The following DENND1B variants were observed in gnomAD, a reference collection of about 807,000 sequenced individuals.
DENND1B encodes DENN domain-containing protein 1B.
A neutral mutation model predicts 90.1 loss-of-function variants in DENND1B; 59 were observed. That is an observed-to-expected ratio of 0.65 (90% CI 0.53 to 0.81). The LOEUF (loss-of-function observed/expected upper bound fraction) is 0.81. Among genes scored for constraint, DENND1B ranks in the 40% least tolerant of loss-of-function variants. DENND1B has a pLI of 0.00. For synonymous variants in DENND1B, 337 were observed against 324.6 expected, an observed-to-expected ratio of 1.04 and a Z score of -0.41; for missense variants, 862 against 912.6, an observed-to-expected ratio of 0.94 and a Z score of 0.71.
At chr1:197,735,503 G>C in intron 2 of DENND1B, 1 of 1,595,664 alleles carries the variant, frequency 6.3e-7, no homozygotes, top group South Asian at 1.1e-5. Context: ...TTGCTTAACA[G>C]TTTATGTTTA....
rs113590886 is a variant in DENND1B at position 197,604,639 on chromosome 1, AC to A, written c.921+2433del. On this transcript the variant is annotated intron_variant, in intron 13 of 22. Transcript: ENST00000620048. Reference sequence around the variant, plus strand: ...TGCTTTGGTGAAGGATTTTAAAAGGACCCCCCCCAATTAAATCTCAGTTAAC... The same window carrying A: ...TGCTTTGGTGAAGGATTTTAAAAGGACCCCCCCAATTAAATCTCAGTTAAC... Among the ~76,000 whole-genome samples, 9 of 150,110 alleles carry A rather than the reference AC, an allele frequency of 6.0e-5. No individual in the cohort carries two copies. In the East Asian group the frequency reaches 7.8e-4, roughly 13 times the overall value.
intron 2 of DENND1B, among the ~76,000 whole-genome samples, chr1:197,729,918 A>G (rs1454984525): frequency 6.6e-6 from 1 of 152,142 alleles, no homozygotes; most frequent in Non-Finnish European, 1.5e-5. Context: ...CCTGAAGCCT[A>G]TGCAAAAATC....
chr1:197,547,146 T>C (rs892609885), intron 16 of DENND1B, among the ~76,000 whole-genome samples: 3 of 152,300 alleles, frequency 2.0e-5, no homozygotes, highest in Admixed American at 6.5e-5. Flanking sequence ...CTCCCACCTA[T>C]AGTGCCAGCT....
intron 20 of DENND1B, among the ~76,000 whole-genome samples, chr1:197,518,184 G>C (rs1668533913): frequency 6.6e-6 from 1 of 151,858 alleles, no homozygotes; most frequent in Non-Finnish European, 1.5e-5. Context: ...TGATTATGAG[G>C]TGTCTGACCA....
intron 14 of DENND1B, among the ~76,000 whole-genome samples, chr1:197,588,046 T>C (rs905511324): frequency 6.6e-6 from 1 of 152,170 alleles, no homozygotes; most frequent in African/African-American, 2.4e-5. Context: ...TAAATACAGA[T>C]GAAGCTTCAT....
At chr1:197,718,090 C>T (rs1660810765) in intron 2 of DENND1B, among the ~76,000 whole-genome samples, 1 of 151,980 alleles carries the variant, frequency 6.6e-6, no homozygotes, top group African/African-American at 2.4e-5. Context: ...GATTTACTCA[C>T]GTAGCTAGGT....
chr1:197,665,552 T>C (rs1654861377), intron 5 of DENND1B, among the ~76,000 whole-genome samples: 1 of 152,150 alleles, frequency 6.6e-6, no homozygotes. Flanking sequence ...AGTATCAACA[T>C]CTTTAACCAA....
At chr1:197,566,444 T>C (rs1241994725) in intron 15 of DENND1B, among the ~76,000 whole-genome samples, 2 of 152,188 alleles carry the variant, frequency 1.3e-5, no homozygotes, top group East Asian at 1.9e-4. Context: ...AACAGAGATA[T>C]AGATCAATGG....
At chr1:197,526,095 G>C (rs1669114934) in intron 20 of DENND1B, among the ~76,000 whole-genome samples, 1 of 152,088 alleles carries the variant, frequency 6.6e-6, no homozygotes, top group African/African-American at 2.4e-5. Context: ...ATATAACAAT[G>C]TGTAGCAGAT....
intron 3 of DENND1B, among the ~76,000 whole-genome samples, chr1:197,691,014 G>T (rs1370446331): frequency 2.0e-5 from 3 of 151,880 alleles, no homozygotes; most frequent in Non-Finnish European, 4.4e-5. Context: ...ATTGGTCTTC[G>T]CAATAATTTC....
chr1:197,697,674 C>A (rs185206444), intron 3 of DENND1B, among the ~76,000 whole-genome samples: 1 of 151,900 alleles, frequency 6.6e-6, no homozygotes, highest in African/African-American at 2.4e-5. Flanking sequence ...TCAGGAGACC[C>A]ATCTCACATG....
rs148855673 is a variant in DENND1B at position 197,534,924 on chromosome 1, T to C, written c.1515+5040A>G. Among the ~76,000 whole-genome samples, 104 of 152,322 alleles carry C rather than the reference T, an allele frequency of 6.8e-4. No individual in the cohort carries two copies. In the East Asian group the frequency reaches 0.02, roughly 29 times the overall value. On this transcript the variant is annotated intron_variant, in intron 20 of 22. Transcript: ENST00000620048. ...TCATGCGACAGTATGCCCGTGGCTCTAGCATCAGCTTTCTGCCTCTTCCAT... is the reference window on the plus strand; with the variant it reads ...TCATGCGACAGTATGCCCGTGGCTCCAGCATCAGCTTTCTGCCTCTTCCAT...
intron 4 of DENND1B, among the ~76,000 whole-genome samples, chr1:197,673,724 C>A (rs1361446609): frequency 6.6e-6 from 1 of 152,048 alleles, no homozygotes; most frequent in Non-Finnish European, 1.5e-5. Flanking sequence ...CAGCATGACA[C>A]AGATGGTCTT....
intron 22 of DENND1B, 109 bp from the exon 23 acceptor site, chr1:197,511,081 A>G: frequency 8.9e-7 from 1 of 1,122,116 alleles, no homozygotes; most frequent in Non-Finnish European, 1.2e-6. Context: ...CTCCCAGAGA[A>G]AATACAGCAT....
chr1:197,671,527 GA>G (rs1382638900), intron 5 of DENND1B, among the ~76,000 whole-genome samples: 1 of 152,114 alleles, frequency 6.6e-6, no homozygotes, highest in Non-Finnish European at 1.5e-5. Context: ...AAAGGAATTC[GA>G]AATATGAACT....
rs1667774781 is a variant in DENND1B at position 197,507,285 on chromosome 1, C to A, written c.*3175G>T. ...TTTCCCATATCCTCAGTTACTGTAC[C>A]CTGCATATGACTGGTACAAAAAGTC... On this transcript the variant is annotated 3_prime_UTR_variant, in exon 23 of 23. Transcript: ENST00000620048. 6.6e-6 allele frequency: 1 copy of A among 150,486 alleles called. No individual in the cohort carries two copies. The highest frequency in any genetic ancestry group is 2.4e-5 in the African/African-American group (1 of 41,110). 9.3% of individuals were successfully genotyped at this position (150,486 alleles called of 1,614,324 possible). A position where few individuals can be genotyped will look rare whatever the true frequency, so the allele number is the denominator to read the frequency against.
At chr1:197,652,192 C>T in intron 7 of DENND1B, 43 bp downstream of exon 7, 2 of 1,545,936 alleles carry the variant, frequency 1.3e-6, no homozygotes, top group Non-Finnish European at 1.8e-6. Flanking sequence ...GAAATTGAGA[C>T]ATAGCTATGA....
At chr1:197,661,099 T>G (rs995368386) in intron 5 of DENND1B, among the ~76,000 whole-genome samples, 1 of 152,096 alleles carries the variant, frequency 6.6e-6, no homozygotes, top group Non-Finnish European at 1.5e-5. Context: ...TGACAGTTTT[T>G]GGGGAATCTA....
chr1:197,740,184 A>G lies in DENND1B; in HGVS notation c.83-25110T>C, dbSNP rs572641992. 4.0e-5 allele frequency among the ~76,000 whole-genome samples: 6 copies of G among 151,576 alleles called. No homozygotes were observed. In the East Asian group the frequency reaches 1.2e-3, roughly 29 times the overall value. ...AAAGGTAAAGAAATTACTTGTGCAG[A>G]TATCTTGGGAAAGTGTATTAGAAGT... is the stretch of plus-strand genomic sequence containing the variant. On this transcript the variant is annotated intron_variant, in intron 2 of 22. Coordinates refer to ENST00000620048, the MANE Select transcript of DENND1B (RefSeq NM_001195215.2).
Sources: gnomAD v4.1 joint callset for allele counts (sites outside exome capture counted in the v4.1 genomes callset) on GRCh38, gnomAD v4.1.1 for gene constraint, MANE v1.5 for transcripts, NCBI Gene and HGNC (gene_info 2026-07-23, HGNC 2026-07-21) for gene names.